Variants in POLD3 observed in about 807,000 individuals in gnomAD.
POLD3 encodes the protein DNA polymerase delta 3, accessory subunit.
Under a neutral mutation model 58.2 loss-of-function variants are expected in POLD3, and 19 were observed. The observed-to-expected ratio is 0.33, with a 90% CI of 0.23 to 0.48. The LOEUF (loss-of-function observed/expected upper bound fraction) is 0.48. POLD3 is among the 20% of genes least tolerant of loss of function. The probability of loss-of-function intolerance (pLI) is 0.99; values close to 1 mark genes in which losing one functional copy is unlikely to be tolerated. For missense variants in POLD3, 504 were observed against 545.5 expected (o/e 0.92, Z 0.76); for synonymous variants, 172 against 193.5 (o/e 0.89, Z 0.92).
intron 4 of POLD3, among the ~76,000 whole-genome samples, chr11:74,655,264 TA>T (rs2033119284): frequency 6.6e-6 from 1 of 152,160 alleles, no homozygotes; most frequent in Admixed American, 6.5e-5. Flanking sequence ...GGCTTAAAAA[TA>T]AAGACAAGAA....
rs963709174 is a variant in POLD3, at chr11:74,625,701, TA to T, written c.899+129del. The T allele has an allele frequency of 7.7e-6, 5 of 650,444 alleles. No homozygotes were observed. In the African/African-American group the frequency reaches 9.2e-5, roughly 12 times the overall value. The allele number at this position is 650,444 out of a possible 1,614,324, so 40.3% of individuals were successfully genotyped here. On this transcript the variant is annotated intron_variant, in intron 8 of 11. Coordinates refer to ENST00000263681, the MANE Select transcript of POLD3 (RefSeq NM_006591.3). ...CTACTTAATGCCTAAGGGATACAAC[TA>T]TACAACCAAAATGGAAAGAGAAGCC...
chr11:74,667,410 C>T (rs1033572011), intron 4 of POLD3, among the ~76,000 whole-genome samples: 23 of 152,078 alleles, frequency 1.5e-4, no homozygotes, highest in Non-Finnish European at 2.6e-4. Flanking sequence ...TGGTGGCAGG[C>T]GCCTGTAGTC....
At chr11:74,612,399 A>C (rs1451708703) in intron 4 of POLD3, among the ~76,000 whole-genome samples, 1 of 152,150 alleles carries the variant, frequency 6.6e-6, no homozygotes, top group Non-Finnish European at 1.5e-5. Context: ...GCGGAACCTA[A>C]CATTTATTCT....
At chr11:74,621,110 C>T (rs2032238859) in intron 7 of POLD3, among the ~76,000 whole-genome samples, 1 of 152,094 alleles carries the variant, frequency 6.6e-6, no homozygotes, top group African/African-American at 2.4e-5. Flanking sequence ...AGTTGGTGCA[C>T]AGGGAATGCT....
At chr11:74,606,745 CAG>C (rs768887595) in intron 3 of POLD3, among the ~76,000 whole-genome samples, 3 of 152,180 alleles carry the variant, frequency 2.0e-5, no homozygotes, top group Non-Finnish European at 2.9e-5. Context: ...TTGTGTTCCT[CAG>C]TGCATATTTC....
intron 5 of POLD3, among the ~76,000 whole-genome samples, chr11:74,617,072 AC>A (rs2032101839): frequency 6.6e-6 from 1 of 152,224 alleles, no homozygotes; most frequent in Admixed American, 6.5e-5. Flanking sequence ...AATAAGCAAG[AC>A]TGGGAAAAAT....
At chr11:74,653,301 A>G (rs908744604) in intron 4 of POLD3, among the ~76,000 whole-genome samples, 12 of 152,354 alleles carry the variant, frequency 7.9e-5, no homozygotes, top group Admixed American at 6.5e-4. Flanking sequence ...ATAAAGTTGT[A>G]TTTCAAATAC....
intron 4 of POLD3, among the ~76,000 whole-genome samples, chr11:74,666,747 A>G (rs1485320512): frequency 2.0e-5 from 3 of 152,160 alleles, no homozygotes; most frequent in Admixed American, 6.5e-5. Context: ...CCTAAAACTC[A>G]TATGCAAATG....
intron 4 of POLD3, among the ~76,000 whole-genome samples, chr11:74,651,531 A>G (rs2033068660): frequency 6.6e-6 from 1 of 152,234 alleles, no homozygotes; most frequent in Admixed American, 6.5e-5. Flanking sequence ...TTATGTAATG[A>G]CCATTGTGAT....
intron 1 of POLD3, 75 bp from the exon 2 acceptor site, chr11:74,593,986 G>C: frequency 2.6e-6 from 2 of 778,052 alleles, no homozygotes; most frequent in South Asian, 1.5e-5. Flanking sequence ...GGAATCTTTA[G>C]CAACAGACCT....
chr11:74,630,913 G>T (rs1300933519), intron 9 of POLD3, among the ~76,000 whole-genome samples: 2 of 152,180 alleles, frequency 1.3e-5, no homozygotes, highest in Non-Finnish European at 1.5e-5. Context: ...ATACTGTTGG[G>T]TGATTAGAAA....
Position 74,643,048 on chromosome 11 carries a change from A to C in POLD3, c.*2282A>C. 1.9e-6 allele frequency: 1 copy of C among 527,890 alleles called. No individual in the cohort carries two copies. The highest frequency in any genetic ancestry group is 2.4e-6 in the Non-Finnish European group (1 of 412,216). The allele number at this position is 527,890 out of a possible 1,614,324, so 32.7% of individuals were successfully genotyped here. A position where few individuals can be genotyped will look rare whatever the true frequency, so the allele number is the denominator to read the frequency against. The stretch of plus-strand genomic sequence containing the variant: ...AAGTTCTTTATCAAAATAAAACTAA[A>C]ATGAGTTACCAAGGGTGTCAAGACT... On this transcript the variant is annotated 3_prime_UTR_variant, in exon 12 of 12. Coordinates refer to ENST00000263681, the MANE Select transcript of POLD3 (RefSeq NM_006591.3).
chr11:74,596,033 T>A (rs546825058), intron 2 of POLD3, among the ~76,000 whole-genome samples: 1 of 141,948 alleles, frequency 7.0e-6, no homozygotes, highest in African/African-American at 2.6e-5. Context: ...TAATCTTATT[T>A]TTTTTTTTTT....
At chr11:74,640,105 G>C (rs1413892035) in intron 11 of POLD3, among the ~76,000 whole-genome samples, 1 of 152,152 alleles carries the variant, frequency 6.6e-6, no homozygotes, top group Non-Finnish European at 1.5e-5. Flanking sequence ...AGGCAAATAG[G>C]CCAGCAGTTT....
chr11:74,592,843 G>A, intron 1 of POLD3, 125 bp downstream of exon 1: 2 of 1,515,320 alleles, frequency 1.3e-6, no homozygotes, highest in Non-Finnish European at 1.8e-6. Context: ...AGGTCCCCAC[G>A]AGGGGACCTG....
intron 4 of POLD3, among the ~76,000 whole-genome samples, chr11:74,655,100 G>A (rs2033116810): frequency 1.3e-5 from 2 of 152,234 alleles, no homozygotes; most frequent in Admixed American, 6.5e-5. Flanking sequence ...CTTGTGAACT[G>A]CCTGAATTTT....
At chr11:74,648,925 C>G (rs1166291630) in intron 4 of POLD3, among the ~76,000 whole-genome samples, 4 of 152,138 alleles carry the variant, frequency 2.6e-5, no homozygotes, top group Admixed American at 6.5e-5. Context: ...GCAGATGACT[C>G]CTTTGATCCC....
At chr11:74,627,897 C>T (rs1010553139) in intron 8 of POLD3, among the ~76,000 whole-genome samples, 5 of 152,084 alleles carry the variant, frequency 3.3e-5, no homozygotes, top group East Asian at 3.9e-4. Flanking sequence ...GATCCATGAC[C>T]GCAGTTGGGA....
rs373662483 is a variant in POLD3, at chr11:74,594,045, T to C, written c.61-16T>C. ...GTCATCTAATAAAACATTTGAAAAA[T>C]TTTTTCTTGTTACAGGTGACATACA... On this transcript the variant is annotated splice_polypyrimidine_tract_variant and intron_variant, in intron 1 of 11. Coordinates refer to ENST00000263681, the MANE Select transcript of POLD3 (RefSeq NM_006591.3). 3.2e-5 allele frequency: 49 copies of C among 1,548,956 alleles called. No individual in the cohort carries two copies. The highest frequency in any genetic ancestry group is 1.7e-5 in the Non-Finnish European group (19 of 1,121,922).
Sources: allele counts gnomAD v4.1 joint callset (sites outside exome capture counted in the v4.1 genomes callset), GRCh38; gene constraint gnomAD v4.1.1; transcripts MANE v1.5; gene names NCBI Gene and HGNC (gene_info 2026-07-23, HGNC 2026-07-21).